Variants in DNAJC13 observed in about 807,000 individuals in gnomAD.
DNAJC13 encodes the protein dnaJ homolog subfamily C member 13.
DNAJC13 carries 75 observed loss-of-function variants against 290.5 expected under a neutral mutation model. That is an observed-to-expected ratio of 0.26 (90% CI 0.21 to 0.31). The LOEUF is 0.31. DNAJC13 is among the 10% of genes least tolerant of loss of function. The probability of loss-of-function intolerance (pLI) is 1.00; values close to 1 mark genes in which losing one functional copy is unlikely to be tolerated. For missense variants in DNAJC13, 2,260 were observed against 2,674.5 expected, an observed-to-expected ratio of 0.85 and a Z score of 3.42; for synonymous variants, 862 against 892.0, an observed-to-expected ratio of 0.97 and a Z score of 0.60.
At position 132,500,806 on chromosome 3, in the gene DNAJC13, A is replaced by G. The variant is rs1935383914; in HGVS notation, c.4429A>G (p.Ile1477Val). Residue 1477 changes from isoleucine (I) to valine (V), a missense_variant, in exon 39 of 56, where the codon ATA becomes GTA. Coordinates refer to ENST00000260818, the MANE Select transcript of DNAJC13 (RefSeq NM_015268.4). ...GTGTTGTCTGCAGGTGTGTGGATAC[A>G]TAAGTAAATGCTACAGTGTGGCTGC... ...SDMSVQVCGY[I>V]SKCYSVAAQF... 2 of 1,613,976 alleles carry G rather than the reference A, an allele frequency of 1.2e-6. No individual in the cohort carries two copies. Among genetic ancestry groups the G allele is most frequent in the East Asian group, 2.2e-5 (1 of 44,862 alleles).
chr3:132,483,327 T>G, intron 27 of DNAJC13, 48 bp from the exon 28 acceptor site: 1 of 1,522,750 alleles, frequency 6.6e-7, no homozygotes, highest in South Asian at 1.1e-5. Flanking sequence ...ACTAGTGAGG[T>G]TTTTCATTTT....
At chr3:132,481,118 C>T (rs931751660) in intron 26 of DNAJC13, among the ~76,000 whole-genome samples, 5 of 152,146 alleles carry the variant, frequency 3.3e-5, no homozygotes, top group Non-Finnish European at 5.9e-5. Context: ...AACTAAGGAA[C>T]ACAGAGGCTA....
chr3:132,516,536 A>G, intron 47 of DNAJC13, 40 bp downstream of exon 47: 2 of 1,596,288 alleles, frequency 1.3e-6, no homozygotes, highest in Non-Finnish European at 1.7e-6. Context: ...CATGTGCAAT[A>G]TAATGAAGCT....
Position 132,514,653 on chromosome 3 carries a change from T to C in DNAJC13, c.5468T>C (p.Leu1823Pro), listed in dbSNP as rs1935869923. The C allele has an allele frequency of 1.2e-6, 2 of 1,610,456 alleles. No individual in the cohort carries two copies. Among genetic ancestry groups the C allele is most frequent in the East Asian group, 2.2e-5 (1 of 44,682 alleles). The change falls in exon 46 of 56, where the codon CTA becomes CCA. Residue 1823 changes from leucine (L) to proline (P), a missense_variant. Leu to Pro is a moderately conservative substitution (Grantham distance 98). Transcript: ENST00000260818. ...SMVLSSLLAL[L>P]HSLPSSRQLV... ...GTTTTGTCCAGTTTATTGGCTCTTC[T>C]ACATTCATTGCCATCAAGTATGTAT...
At position 132,494,252 on chromosome 3, in the gene DNAJC13, C is replaced by G; in HGVS notation, c.3934C>G (p.Gln1312Glu). The change falls in exon 34 of 56, where the codon CAG (glutamine) becomes GAG (glutamate). Residue 1312 changes from glutamine to glutamate, a missense_variant. By Grantham distance (29) the Gln-to-Glu change is conservative. Transcript: ENST00000260818. ...TGAAGTGCTTAATCTGCCTCAAGGA[C>G]AGGGACCGTGAGTTGTTTTCAGTAC... is the stretch of plus-strand genomic sequence containing the variant. ...AYEVLNLPQG[Q>E]GPHDESKIRK... The G allele has an allele frequency of 6.2e-7, 1 of 1,612,022 alleles. No individual in the cohort carries two copies. Among genetic ancestry groups the G allele is most frequent in the Non-Finnish European group, 8.5e-7 (1 of 1,178,624 alleles).
At chr3:132,422,845 T>A (rs1272142612) in intron 1 of DNAJC13, among the ~76,000 whole-genome samples, 2 of 152,204 alleles carry the variant, frequency 1.3e-5, no homozygotes, top group Non-Finnish European at 2.9e-5. Context: ...AAGAGTGAGC[T>A]TTAAAGTCAG....
chr3:132,500,199 G>A (rs1200548064), intron 38 of DNAJC13, among the ~76,000 whole-genome samples: 1 of 152,146 alleles, frequency 6.6e-6, no homozygotes, highest in Non-Finnish European at 1.5e-5. Flanking sequence ...TAACATTTAA[G>A]GTTGTAAGAT....
chr3:132,503,164 C>G, intron 40 of DNAJC13, 50 bp from the exon 41 acceptor site: 1 of 1,574,562 alleles, frequency 6.4e-7, no homozygotes, highest in South Asian at 1.1e-5. Flanking sequence ...ATAGTATTAC[C>G]TATGTAAGAT....
chr3:132,441,255 G>A (rs1933060282), intron 2 of DNAJC13, among the ~76,000 whole-genome samples: 1 of 152,244 alleles, frequency 6.6e-6, no homozygotes, highest in African/African-American at 2.4e-5. Context: ...GGTAAAATTT[G>A]TGGGGAAGTA....
chr3:132,495,026 T>C, intron 34 of DNAJC13, 62 bp from the exon 35 acceptor site: 1 of 1,159,224 alleles, frequency 8.6e-7, no homozygotes, highest in South Asian at 1.4e-5. Context: ...TTTTAGATGG[T>C]TTTGTAAATT....
chr3:132,472,032 G>A (rs555983611), intron 20 of DNAJC13, among the ~76,000 whole-genome samples: 23 of 150,216 alleles, frequency 1.5e-4, no homozygotes, highest in African/African-American at 5.6e-4. Context: ...ATCACTCGCG[G>A]TTAGGGGCTG....
chr3:132,454,175 A>C lies in DNAJC13; in HGVS notation c.932+18A>C. The C allele has an allele frequency of 6.5e-7, 1 of 1,544,426 alleles. No homozygotes were observed. On this transcript the variant is annotated intron_variant, in intron 9 of 55. Transcript: ENST00000260818. ...ACAGAGAGGTATTTTTTTTTTTTTA[A>C]GTTTTTGAAATCCTAGTTGTGCAAG...
intron 1 of DNAJC13, among the ~76,000 whole-genome samples, chr3:132,429,254 A>G (rs1486405738): frequency 6.6e-6 from 1 of 152,206 alleles, no homozygotes; most frequent in Non-Finnish European, 1.5e-5. Flanking sequence ...GAATTATTCC[A>G]GGAATTTGCA....
At position 132,494,278 on chromosome 3, in the gene DNAJC13, A is replaced by G. The variant is rs1386206744; in HGVS notation, c.3941+19A>G. 1.3e-6 allele frequency: 2 copies of G among 1,544,288 alleles called. No homozygotes were observed. The highest frequency in any genetic ancestry group is 8.9e-7 in the Non-Finnish European group (1 of 1,117,574). On this transcript the variant is annotated intron_variant, in intron 34 of 55. Transcript: ENST00000260818. Reference sequence around the variant, plus strand: ...AGGGACCGTGAGTTGTTTTCAGTACAATAGCAAATGTCTGTCCCACCTTAA... The same window carrying G: ...AGGGACCGTGAGTTGTTTTCAGTACGATAGCAAATGTCTGTCCCACCTTAA...
In DNAJC13 at chr3:132,502,255, G is replaced by A. The variant is rs778879368; in HGVS notation, c.4537-34G>A. 12 of 1,323,404 alleles carry A rather than the reference G, an allele frequency of 9.1e-6. No individual in the cohort carries two copies. The Admixed American group carries it at 2.4e-4, about 27-fold the overall frequency. 82.0% of individuals were successfully genotyped at this position (1,323,404 alleles called of 1,614,324 possible). On this transcript the variant is annotated intron_variant, in intron 39 of 55. Coordinates refer to ENST00000260818, the MANE Select transcript of DNAJC13 (RefSeq NM_015268.4). ...AGCTTTTTTTTTTTTTTTTAACTCT[G>A]TAACAACTAATGCTCTCATTTTTAT...
At chr3:132,444,253 T>C (rs1433564550) in intron 2 of DNAJC13, among the ~76,000 whole-genome samples, 1 of 152,178 alleles carries the variant, frequency 6.6e-6, no homozygotes, top group Non-Finnish European at 1.5e-5. Context: ...AAAATTGTCT[T>C]CCACAAAGCC....
At chr3:132,485,126 T>C (rs1273041692) in intron 29 of DNAJC13, among the ~76,000 whole-genome samples, 1 of 152,044 alleles carries the variant, frequency 6.6e-6, no homozygotes, top group Non-Finnish European at 1.5e-5. Context: ...TACATTCATT[T>C]CACTTAATTT....
rs754828938 is a variant in DNAJC13 at position 132,511,111 on chromosome 3, G to T, written c.5160G>T (p.Ser1720=). 5 of 1,613,624 alleles carry T rather than the reference G, an allele frequency of 3.1e-6. No individual in the cohort carries two copies. Among genetic ancestry groups the T allele is most frequent in the East Asian group, 2.2e-5 (1 of 44,860 alleles). ...CAAGTCTCTTGGATTATATAGGCTC[G>T]CAGGCCCAATACTTGCACACATTCA... is the stretch of plus-strand genomic sequence containing the variant. ...FAASLLDYIG[S]QAQYLHTFMA... is the part of the protein sequence containing the mutation. The change falls in exon 44 of 56, where the codon TCG becomes TCT. Residue 1720 remains serine (S), a synonymous_variant. Transcript: ENST00000260818.
At chr3:132,430,327 A>T (rs193010856) in intron 1 of DNAJC13, among the ~76,000 whole-genome samples, 3,275 of 152,006 alleles carry the variant, frequency 0.022, 57 homozygotes, top group Non-Finnish European at 0.034. Context: ...TATTTAAAAA[A>T]TTTATTTAAT....
Sources: allele counts gnomAD v4.1 joint callset (sites outside exome capture counted in the v4.1 genomes callset), GRCh38; gene constraint gnomAD v4.1.1; transcripts MANE v1.5; gene names NCBI Gene and HGNC (gene_info 2026-07-23, HGNC 2026-07-21).